Variants in STAG1 observed in about 807,000 individuals in gnomAD.
STAG1 encodes the protein cohesin subunit SA-1.
STAG1 carries 26 observed loss-of-function variants against 170.9 expected under a neutral mutation model. The ratio of observed to expected loss-of-function variants is 0.15; its 90% confidence interval spans 0.11 to 0.21. The LOEUF (loss-of-function observed/expected upper bound fraction) is 0.21. Ranked by LOEUF, STAG1 falls within the 10% of genes least tolerant of loss-of-function variation. The pLI, the probability that STAG1 is intolerant of heterozygous loss-of-function variation, is 1.00. For missense variants in STAG1, 964 were observed against 1,509.5 expected (o/e 0.64, Z 5.99); for synonymous variants, 514 against 497.7 (o/e 1.03, Z -0.44).
At chr3:136,577,815 T>G (rs190648115) in intron 4 of STAG1, among the ~76,000 whole-genome samples, 2 of 152,344 alleles carry the variant, frequency 1.3e-5, no homozygotes, top group Admixed American at 1.3e-4. Flanking sequence ...GGAGGTGGTA[T>G]AAAACCATAA....
At chr3:136,381,037 G>GAAAAAAAAAAAAA (rs58810961) in intron 22 of STAG1, among the ~76,000 whole-genome samples, 3 of 105,026 alleles carry the variant, frequency 2.9e-5, no homozygotes, top group African/African-American at 7.1e-5. Context: ...AAAAAAAAAA[G>GAAAAAAAAAAAAA]AAAAAAAAAA....
At chr3:136,478,183 A>G (rs113114750) in intron 9 of STAG1, among the ~76,000 whole-genome samples, 7 of 152,208 alleles carry the variant, frequency 4.6e-5, no homozygotes, top group Non-Finnish European at 7.3e-5. Flanking sequence ...CTGTAATAAT[A>G]TATTTTTTAG....
In STAG1 at chr3:136,337,516, G is replaced by T. The variant is rs1197251355; in HGVS notation, c.*738C>A. Reference sequence around the variant, plus strand: ...CCCTAGTCTATATAAAATGAACGGTGTACAGCATCTGTTGGAAAAATGGCT... The same window carrying T: ...CCCTAGTCTATATAAAATGAACGGTTTACAGCATCTGTTGGAAAAATGGCT... On this transcript the variant is annotated 3_prime_UTR_variant, in exon 34 of 34. Transcript: ENST00000383202. The T allele has an allele frequency of 1.3e-5, 2 of 152,636 alleles. No individual in the cohort carries two copies. The highest frequency in any genetic ancestry group is 1.9e-4 in the East Asian group (1 of 5,198). The allele number at this position is 152,636 out of a possible 1,614,324, so 9.5% of individuals were successfully genotyped here. A position where few individuals can be genotyped will look rare whatever the true frequency, so the allele number is the denominator to read the frequency against.
intron 13 of STAG1, among the ~76,000 whole-genome samples, chr3:136,461,646 G>A (rs576334356): frequency 6.6e-6 from 1 of 151,292 alleles, no homozygotes; most frequent in African/African-American, 2.4e-5. Context: ...TATTAGTCTG[G>A]GTAGAGTTTT....
At chr3:136,396,255 G>T (rs1019622895) in intron 22 of STAG1, among the ~76,000 whole-genome samples, 1 of 127,490 alleles carries the variant, frequency 7.8e-6, no homozygotes, top group Non-Finnish European at 1.6e-5. Context: ...TCGCTCTGTC[G>T]CCCAGGCGGG....
At chr3:136,419,571 A>G (rs1267177775) in intron 20 of STAG1, among the ~76,000 whole-genome samples, 1 of 150,462 alleles carries the variant, frequency 6.6e-6, no homozygotes, top group Non-Finnish European at 1.5e-5. Context: ...TAGCCCCAAG[A>G]GTAGCTGGGA....
chr3:136,679,761 G>A (rs1942271738), intron 1 of STAG1, among the ~76,000 whole-genome samples: 1 of 150,756 alleles, frequency 6.6e-6, no homozygotes, highest in Non-Finnish European at 1.5e-5. Flanking sequence ...AATCAGCCGG[G>A]CATGGTGGTG....
chr3:136,502,825 T>C (rs971426855), intron 7 of STAG1, 46 bp from the exon 8 acceptor site: 1 of 1,421,106 alleles, frequency 7.0e-7, no homozygotes. Flanking sequence ...CAAAACTTTA[T>C]CCATATAAGA....
At chr3:136,418,360 C>CAAAAAAAAAAAAAAAAAAAAAAAAAAAA (rs767401141) in intron 20 of STAG1, among the ~76,000 whole-genome samples, 1 of 49,748 alleles carries the variant, frequency 2.0e-5, no homozygotes, top group African/African-American at 1.1e-4. Flanking sequence ...ACTCTGTCTC[C>CAAAAAAAAAAAAAAAAAAAAAAAAAAAA]AAAAAAAAAA....
At chr3:136,533,213 C>T (rs1935462235) in intron 6 of STAG1, among the ~76,000 whole-genome samples, 1 of 151,892 alleles carries the variant, frequency 6.6e-6, no homozygotes, top group Admixed American at 6.6e-5. Context: ...TGAAGGATCT[C>T]TATAAGGAAA....
chr3:136,678,750 T>C (rs1942223209), intron 1 of STAG1, among the ~76,000 whole-genome samples: 1 of 150,660 alleles, frequency 6.6e-6, no homozygotes, highest in African/African-American at 2.4e-5. Flanking sequence ...TGGTGGCTCA[T>C]GCCTGTAATC....
chr3:136,700,563 G>A (rs1943025598), intron 1 of STAG1, among the ~76,000 whole-genome samples: 1 of 151,718 alleles, frequency 6.6e-6, no homozygotes, highest in African/African-American at 2.4e-5. Flanking sequence ...GGGATTACAG[G>A]TGCCCGCTAC....
At chr3:136,382,496 G>C (rs1307806364) in intron 22 of STAG1, among the ~76,000 whole-genome samples, 2 of 150,628 alleles carry the variant, frequency 1.3e-5, no homozygotes, top group African/African-American at 4.9e-5. Context: ...TCTGCCTCCT[G>C]GGTTCAAGCG....
rs549202252 is a variant in STAG1, at chr3:136,597,296, AAAAG to A, written c.297+7009_297+7012del. On this transcript the variant is annotated intron_variant, in intron 4 of 33. Coordinates refer to ENST00000383202, the MANE Select transcript of STAG1 (RefSeq NM_005862.3). ...CTTTAATGTTATATTCTTAGTAAAGAAAAGAAAGAAGGGAAAAAGTGGTTTCCAC... is the reference window on the plus strand; with the variant it reads ...CTTTAATGTTATATTCTTAGTAAAGAAAAGAAGGGAAAAAGTGGTTTCCAC... Among the ~76,000 whole-genome samples the A allele has an allele frequency of 6.0e-4, 91 of 152,330 alleles. 1 individual carries two copies. Among genetic ancestry groups the A allele is most frequent in the African/African-American group, 2.1e-3 (89 of 41,586 alleles).
intron 1 of STAG1, among the ~76,000 whole-genome samples, chr3:136,715,706 G>A (rs558988495): frequency 2.8e-4 from 42 of 150,772 alleles, no homozygotes; most frequent in African/African-American, 9.5e-4. Context: ...TGTGAAAAAC[G>A]TTTTTACAAA....
chr3:136,618,774 T>C (rs1428586523), intron 3 of STAG1, among the ~76,000 whole-genome samples: 1 of 128,684 alleles, frequency 7.8e-6, no homozygotes. Context: ...GATATCATTC[T>C]TATATCAATA....
chr3:136,583,185 T>A (rs1937632378), intron 4 of STAG1, among the ~76,000 whole-genome samples: 1 of 152,148 alleles, frequency 6.6e-6, no homozygotes, highest in Admixed American at 6.5e-5. Flanking sequence ...AATTAAAAAA[T>A]TAATTCAGGG....
chr3:136,527,176 C>T (rs981224831), intron 6 of STAG1, among the ~76,000 whole-genome samples: 2 of 152,140 alleles, frequency 1.3e-5, no homozygotes, highest in African/African-American at 4.8e-5. Flanking sequence ...TGGATAATAT[C>T]CTGCAGAGTG....
intron 1 of STAG1, among the ~76,000 whole-genome samples, chr3:136,639,190 G>A (rs7641710): frequency 1 from 146,259 of 146,556 alleles, 72,981 homozygotes; most frequent in Middle Eastern, 1. Context: ...AAAAAGAAAA[G>A]AAAAAAAAAA....
Sources: allele counts gnomAD v4.1 joint callset (sites outside exome capture counted in the v4.1 genomes callset), GRCh38; gene constraint gnomAD v4.1.1; transcripts MANE v1.5; gene names NCBI Gene and HGNC (gene_info 2026-07-23, HGNC 2026-07-21).